The following SLC16A6 variants were observed in gnomAD, a reference collection of about 807,000 sequenced individuals.
SLC16A6 encodes the protein solute carrier family 16 member 6.
A neutral mutation model predicts 33.8 loss-of-function variants in SLC16A6; 15 were observed. The observed-to-expected ratio is 0.44, with a 90% CI of 0.30 to 0.68. The LOEUF (loss-of-function observed/expected upper bound fraction) is 0.68. Ranked by LOEUF, SLC16A6 falls within the 30% of genes least tolerant of loss-of-function variation. The pLI is 0.10. For missense variants in SLC16A6, 451 were observed against 661.5 expected, an observed-to-expected ratio of 0.68 and a Z score of 3.49; for synonymous variants, 219 against 248.4, an observed-to-expected ratio of 0.88 and a Z score of 1.11.
intron 2 of SLC16A6, 158 bp from the exon 3 acceptor site, chr17:68,274,228 G>A: frequency 6.0e-6 from 4 of 667,354 alleles, no homozygotes; most frequent in Non-Finnish European, 9.6e-6. Context: ...CACTTTGGGA[G>A]GTTGAGGACG....
intron 1 of SLC16A6, among the ~76,000 whole-genome samples, chr17:68,286,665 C>T (rs1379479869): frequency 6.6e-6 from 1 of 152,000 alleles, no homozygotes; most frequent in African/African-American, 2.4e-5. Context: ...CCATCATGCC[C>T]GGTTGATTTT....
chr17:68,268,968 A>G lies in SLC16A6; in HGVS notation c.*128T>C. 2 of 1,514,786 alleles carry G rather than the reference A, an allele frequency of 1.3e-6. No individual in the cohort carries two copies. Among genetic ancestry groups the G allele is most frequent in the Non-Finnish European group, 1.8e-6 (2 of 1,128,930 alleles). 93.8% of individuals were successfully genotyped at this position (1,514,786 alleles called of 1,614,324 possible). A position where few individuals can be genotyped will look rare whatever the true frequency, so the allele number is the denominator to read the frequency against. On this transcript the variant is annotated 3_prime_UTR_variant, in exon 6 of 6. Coordinates refer to ENST00000580666, the MANE Select transcript of SLC16A6 (RefSeq NM_004694.5). ...GATGTTGGTAGTGCTCTTCACATAC[A>G]CATTCCCTTTAAAATGTAGTTTTGA... is the stretch of plus-strand genomic sequence containing the variant.
intron 2 of SLC16A6, among the ~76,000 whole-genome samples, chr17:68,277,696 C>G (rs917486039): frequency 6.6e-6 from 1 of 152,016 alleles, no homozygotes; most frequent in Non-Finnish European, 1.5e-5. Flanking sequence ...TCTCAAAGTG[C>G]TTACAGGTGT....
At position 68,278,167 on chromosome 17, in the gene SLC16A6, A is replaced by G. The variant is rs1302904003; in HGVS notation, c.154T>C (p.Leu52=). Residue 52 remains leucine, a synonymous_variant, in exon 2 of 6, where the codon TTA becomes CTA. Coordinates refer to ENST00000580666, the MANE Select transcript of SLC16A6 (RefSeq NM_004694.5). ...TTGGATTCATTAAAACTGTCCATTA[A>G]GTCATTAAAGAAGACACCAAATGTC... ...IKTFGVFFND[L]MDSFNESNSR... 1.9e-6 allele frequency: 3 copies of G among 1,614,052 alleles called. No homozygotes were observed. The African/African-American group carries it at 4.0e-5, about 22-fold the overall frequency.
chr17:68,278,374 A>T, intron 1 of SLC16A6, 47 bp from the exon 2 acceptor site: 1 of 1,258,188 alleles, frequency 7.9e-7, no homozygotes, highest in Non-Finnish European at 1.2e-6. Context: ...TAGCATGAGG[A>T]TCGATGATTC....
intron 1 of SLC16A6, among the ~76,000 whole-genome samples, chr17:68,279,148 G>A (rs1443201380): frequency 6.6e-6 from 1 of 151,884 alleles, no homozygotes; most frequent in Non-Finnish European, 1.5e-5. Context: ...CTCAACTTAG[G>A]CAAAAAAAGA....
chr17:68,279,555 A>G (rs2075627985), intron 1 of SLC16A6, among the ~76,000 whole-genome samples: 1 of 152,164 alleles, frequency 6.6e-6, no homozygotes, highest in South Asian at 2.1e-4. Flanking sequence ...TAAATAAGGT[A>G]CTATTATACA....
intron 2 of SLC16A6, among the ~76,000 whole-genome samples, chr17:68,276,119 A>C (rs1329458510): frequency 1.3e-5 from 2 of 151,928 alleles, no homozygotes; most frequent in African/African-American, 2.4e-5. Context: ...TTTGAGACAG[A>C]GTCTTGCTCT....
In SLC16A6 at chr17:68,272,402, T is replaced by C. The variant is rs558622979; in HGVS notation, c.505+237A>G. ...TGGAATGCATGTGTCAAGAAAGCCC[T>C]ACCACTGCATATGTGCCCAGTTAGG... On this transcript the variant is annotated intron_variant, in intron 4 of 5. Transcript: ENST00000580666. Among the ~76,000 whole-genome samples the C allele has an allele frequency of 5.9e-5, 9 of 152,320 alleles. 1 individual carries two copies. In the South Asian group the frequency reaches 1.9e-3, roughly 32 times the overall value.
chr17:68,270,789 A>G (rs782020732), intron 5 of SLC16A6, 50 bp downstream of exon 5: 67 of 1,477,640 alleles, frequency 4.5e-5, no homozygotes, highest in Non-Finnish European at 5.9e-5. Flanking sequence ...AGCTAGCACA[A>G]TTCACAAGGG....
intron 2 of SLC16A6, 43 bp downstream of exon 2, chr17:68,278,046 G>A: frequency 7.3e-7 from 1 of 1,364,120 alleles, no homozygotes; most frequent in Middle Eastern, 1.8e-4. Context: ...AAATTAAAAG[G>A]GCCCTATACT....
intron 5 of SLC16A6, among the ~76,000 whole-genome samples, chr17:68,269,635 G>T (rs2075266545): frequency 7.3e-6 from 1 of 137,572 alleles, no homozygotes; most frequent in Admixed American, 7.5e-5. Context: ...TTCTTCGGTA[G>T]GAAGGAACTG....
chr17:68,270,870 G>A lies in SLC16A6; in HGVS notation c.1290C>T (p.Ser430=), dbSNP rs559444040. The A allele has an allele frequency of 2.7e-5, 43 of 1,613,812 alleles. No homozygotes were observed. The highest frequency in any genetic ancestry group is 3.4e-5 in the Non-Finnish European group (40 of 1,179,920). Residue 430 remains serine, a synonymous_variant, in exon 5 of 6, where the codon AGC becomes AGT. Transcript: ENST00000580666. ...GGGGCGGTCCAGCCAGTCCTGCTAT[G>A]CTCTGAATGAAGATGTAGACCCCAG... The part of the protein sequence containing the change: ...SAAGVYIFIQ[S]IAGLAGPPLA...
chr17:68,272,998 T>TA (rs1174611296), intron 3 of SLC16A6, among the ~76,000 whole-genome samples: 3 of 151,924 alleles, frequency 2.0e-5, no homozygotes, highest in Non-Finnish European at 2.9e-5. Flanking sequence ...TTTTTTTTTT[T>TA]ATCTTTGCAA....
At chr17:68,282,941 C>G (rs2075743489) in intron 1 of SLC16A6, 1 of 146,840 alleles carries the variant, frequency 6.8e-6, no homozygotes, top group Non-Finnish European at 1.5e-5. Context: ...GTGCAAGACT[C>G]TGTCTCAAAA....
intron 1 of SLC16A6, among the ~76,000 whole-genome samples, chr17:68,280,579 A>G (rs1255996869): frequency 2.0e-5 from 3 of 152,228 alleles, no homozygotes; most frequent in Non-Finnish European, 2.9e-5. Context: ...TGAAAACTGG[A>G]TATCAATACA....
At chr17:68,288,681 T>C (rs1485062962) in intron 1 of SLC16A6, among the ~76,000 whole-genome samples, 1 of 152,238 alleles carries the variant, frequency 6.6e-6, no homozygotes. Flanking sequence ...CCTAATAGTC[T>C]ATACTTCTAT....
rs782137442 is a variant in SLC16A6, at chr17:68,278,220, A to G, written c.101T>C (p.Val34Ala). The change falls in exon 2 of 6, where the codon GTT (valine) becomes GCT (alanine). Residue 34 changes from valine (V) to alanine (A), a missense_variant. By Grantham distance (64) the Val-to-Ala change is moderately conservative (BLOSUM62 0). Coordinates refer to ENST00000580666, the MANE Select transcript of SLC16A6 (RefSeq NM_004694.5). ...GATGATGCCGTAGGTGAAGACTTCAACGAAGAAAAATGAAACAGCTACCGC... is the reference window on the plus strand; with the variant it reads ...GATGATGCCGTAGGTGAAGACTTCAGCGAAGAAAAATGAAACAGCTACCGC... Reference protein sequence around the residue: ...GWAVAVSFFFVEVFTYGIIKT... With the variant: ...GWAVAVSFFFAEVFTYGIIKT... The G allele has an allele frequency of 1.9e-6, 3 of 1,614,134 alleles. No individual in the cohort carries two copies. Among genetic ancestry groups the G allele is most frequent in the East Asian group, 2.2e-5 (1 of 44,898 alleles).
chr17:68,270,711 C>A (rs2075310980), intron 5 of SLC16A6, 128 bp downstream of exon 5: 1 of 792,434 alleles, frequency 1.3e-6, no homozygotes, highest in Admixed American at 2.9e-5. Flanking sequence ...AATCTCTAAT[C>A]CCTGGCAGCT....
Sources: allele counts gnomAD v4.1 joint callset (sites outside exome capture counted in the v4.1 genomes callset), GRCh38; gene constraint gnomAD v4.1.1; transcripts MANE v1.5; gene names NCBI Gene and HGNC (gene_info 2026-07-23, HGNC 2026-07-21).